The following PAPPA2 variants were observed in gnomAD, a reference collection of about 807,000 sequenced individuals.
The protein encoded by PAPPA2 is pappalysin-2.
PAPPA2 carries 86 observed loss-of-function variants against 176.4 expected under a neutral mutation model. The observed-to-expected ratio is 0.49, with a 90% CI of 0.41 to 0.58. The LOEUF is 0.58. Among genes scored for constraint, PAPPA2 ranks in the 20% least tolerant of loss-of-function variants. The pLI is 0.00. For synonymous variants in PAPPA2, 809 were observed against 852.2 expected (o/e 0.95, Z 0.88); for missense variants, 2,073 against 2,256.9 (o/e 0.92, Z 1.65).
intron 4 of PAPPA2, among the ~76,000 whole-genome samples, chr1:176,686,128 A>G (rs1159785642): frequency 6.6e-6 from 1 of 152,184 alleles, no homozygotes; most frequent in African/African-American, 2.4e-5. Flanking sequence ...TGTGTCTGTG[A>G]GAGTGGATGA....
At position 176,814,871 on chromosome 1, in the gene PAPPA2, G is replaced by A. The variant is rs545085457; in HGVS notation, c.5202+14739G>A. Among the ~76,000 whole-genome samples, 119 of 152,278 alleles carry A rather than the reference G, an allele frequency of 7.8e-4. 1 individual carries two copies. The South Asian group carries it at 0.022, about 28-fold the overall frequency. The stretch of plus-strand genomic sequence containing the variant: ...ATCCTTGTCTTGTGCTGGTTTTCAA[G>A]GGGAATGCTTCCAGATTTTGCCCAT... On this transcript the variant is annotated intron_variant, in intron 21 of 22. Coordinates refer to ENST00000367662, the MANE Select transcript of PAPPA2 (RefSeq NM_020318.3).
At chr1:176,768,786 A>C (rs1284917285) in intron 15 of PAPPA2, among the ~76,000 whole-genome samples, 2 of 152,206 alleles carry the variant, frequency 1.3e-5, no homozygotes, top group African/African-American at 4.8e-5. Flanking sequence ...AGGCACTAGG[A>C]AATGGCTAGA....
At chr1:176,559,675 T>C (rs1651542232) in intron 2 of PAPPA2, among the ~76,000 whole-genome samples, 1 of 152,218 alleles carries the variant, frequency 6.6e-6, no homozygotes, top group Non-Finnish European at 1.5e-5. Flanking sequence ...TGTCTATTCC[T>C]ACGATGGCTG....
intron 1 of PAPPA2, among the ~76,000 whole-genome samples, chr1:176,521,749 A>G (rs942095180): frequency 1.2e-4 from 18 of 152,194 alleles, no homozygotes; most frequent in Non-Finnish European, 2.5e-4. Context: ...AAGGGGGGAA[A>G]GTGATGACCA....
intron 3 of PAPPA2, among the ~76,000 whole-genome samples, chr1:176,599,984 A>G (rs1654217641): frequency 6.6e-6 from 1 of 151,912 alleles, no homozygotes; most frequent in African/African-American, 2.4e-5. Flanking sequence ...TCCCTATCCT[A>G]TTTTTTGTGT....
rs1435013619 is a variant in PAPPA2 at position 176,740,138 on chromosome 1, C to G, written c.4093C>G (p.Leu1365Val). The change falls in exon 14 of 23, where the codon CTT (leucine) becomes GTT (valine). Residue 1365 changes from leucine to valine, a missense_variant. Physicochemically the swap from Leu to Val is conservative, Grantham distance 32 (BLOSUM62 1). Around this residue, in one of 4 missense-constraint regions of PAPPA2, gnomAD observed 846 missense variants for 857.9 expected, o/e 0.99. Transcript: ENST00000367662. ...TCTAAGGACATCCTCCCGCATTGGT[C>G]TTTCGGCTCCCAGTAACTGCATCTC... ...VALRTSSRIGLSAPSNCISED... is the reference protein window; with the variant it reads ...VALRTSSRIGVSAPSNCISED... 1.9e-6 allele frequency: 3 copies of G among 1,613,732 alleles called. No homozygotes were observed. The African/African-American group carries it at 4.0e-5, about 22-fold the overall frequency.
At chr1:176,802,881 C>T (rs750354714) in intron 21 of PAPPA2, among the ~76,000 whole-genome samples, 41 of 152,254 alleles carry the variant, frequency 2.7e-4, no homozygotes, top group Non-Finnish European at 5.1e-4. Context: ...TTCTGAGGTG[C>T]CACTAAGACT....
rs3979574 is a variant in PAPPA2, at chr1:176,634,966, A to AATAGATAGATAG, written c.1992-35965_1992-35954dup. Among the ~76,000 whole-genome samples, 93 of 135,248 alleles carry AATAGATAGATAG rather than the reference A, an allele frequency of 6.9e-4. 1 individual carries two copies. The highest frequency in any genetic ancestry group is 1.6e-3 in the East Asian group (7 of 4,306). 88.7% of individuals were successfully genotyped at this position (135,248 alleles called of 152,430 possible). A position where few individuals can be genotyped will look rare whatever the true frequency, so the allele number is the denominator to read the frequency against. On this transcript the variant is annotated intron_variant, in intron 3 of 22. Transcript: ENST00000367662. ...TGATAGGTAGATAGATAGATAGATA[A>AATAGATAGATAG]ATAGATAGATAGATAGATAGATAGA...
chr1:176,616,464 C>T, intron 3 of PAPPA2: 1 of 715,866 alleles, frequency 1.4e-6, no homozygotes, highest in South Asian at 1.5e-5. Flanking sequence ...TGGAGCTTTC[C>T]CAAGGCCTAC....
intron 1 of PAPPA2, among the ~76,000 whole-genome samples, chr1:176,522,740 A>T (rs2102540092): frequency 6.6e-6 from 1 of 152,300 alleles, no homozygotes; most frequent in East Asian, 1.9e-4. Flanking sequence ...GGGGGAGATG[A>T]TGTCCTGGTA....
At chr1:176,483,155 C>A (rs1652481159) in intron 1 of PAPPA2, among the ~76,000 whole-genome samples, 1 of 152,066 alleles carries the variant, frequency 6.6e-6, no homozygotes, top group Non-Finnish European at 1.5e-5. Context: ...CTTGGGATTC[C>A]AGGTCCCCTA....
chr1:176,777,606 A>T, intron 17 of PAPPA2, among the ~76,000 whole-genome samples: 1 of 152,118 alleles, frequency 6.6e-6, no homozygotes, highest in East Asian at 1.9e-4. Flanking sequence ...CATTATTGAG[A>T]TCTAAATTTG....
chr1:176,709,922 T>C, intron 10 of PAPPA2, 61 bp from the exon 11 acceptor site: 1 of 1,445,428 alleles, frequency 6.9e-7, no homozygotes, highest in South Asian at 1.3e-5. Flanking sequence ...ATTCCCATGT[T>C]CATTTTTTTC....
chr1:176,789,416 T>G (rs1224849887), intron 17 of PAPPA2, among the ~76,000 whole-genome samples: 64 of 131,066 alleles, frequency 4.9e-4, no homozygotes, highest in African/African-American at 8.3e-4. Flanking sequence ...GTGGGGGGAG[T>G]GGGGAGGGAT....
intron 1 of PAPPA2, among the ~76,000 whole-genome samples, chr1:176,540,024 T>TCC (rs909466189): frequency 1.3e-5 from 2 of 152,322 alleles, no homozygotes; most frequent in Non-Finnish European, 2.9e-5. Context: ...TGGGAAGGAC[T>TCC]CCACCTTCTT....
rs1319720463 is a variant in PAPPA2 at position 176,699,346 on chromosome 1, C to T, written c.2993C>T (p.Pro998Leu). 1 of 1,614,136 alleles carries T rather than the reference C, an allele frequency of 6.2e-7. No individual in the cohort carries two copies. The highest frequency in any genetic ancestry group is 8.5e-7 in the Non-Finnish European group (1 of 1,180,028). Residue 998 changes from proline to leucine, a missense_variant, in exon 8 of 23, where the codon CCC (proline) becomes CTC (leucine). Around this residue, in one of 4 missense-constraint regions of PAPPA2, gnomAD observed 1,196 missense variants for 1,330.4 expected, o/e 0.90. Transcript: ENST00000367662. ...AACAAGGAGTCAGTGCACCTGGGCCCCTTAGACACTTTCTGTGACATCCCA... is the reference window on the plus strand; with the variant it reads ...AACAAGGAGTCAGTGCACCTGGGCCTCTTAGACACTTTCTGTGACATCCCA... ...LENKESVHLG[P>L]LDTFCDIPLT...
chr1:176,479,539 AC>A (rs1364943966), intron 1 of PAPPA2, among the ~76,000 whole-genome samples: 1 of 152,154 alleles, frequency 6.6e-6, no homozygotes, highest in African/African-American at 2.4e-5. Flanking sequence ...TAGGGAGGAG[AC>A]AGTGTGATTC....
intron 14 of PAPPA2, among the ~76,000 whole-genome samples, chr1:176,740,948 G>C (rs1302806556): frequency 6.6e-6 from 1 of 152,136 alleles, no homozygotes; most frequent in Non-Finnish European, 1.5e-5. Flanking sequence ...TATGATCCTA[G>C]TGACAAAAGC....
chr1:176,577,892 GT>G (rs996042164), intron 2 of PAPPA2, among the ~76,000 whole-genome samples: 10 of 152,004 alleles, frequency 6.6e-5, no homozygotes, highest in Admixed American at 4.6e-4. Flanking sequence ...CACACAGCAT[GT>G]TTTTTTAGTT....
Sources: gnomAD v4.1 joint callset for allele counts (sites outside exome capture counted in the v4.1 genomes callset) on GRCh38, gnomAD v4.1.1 for gene constraint, gnomAD v4.1.1 regional missense constraint, MANE v1.5 for transcripts, NCBI Gene and HGNC (gene_info 2026-07-23, HGNC 2026-07-21) for gene names.